ZNF503: variants seen among roughly 807,000 people sequenced by gnomAD.
The protein encoded by ZNF503 is NocA-like zinc finger 2.
A neutral mutation model predicts 34.4 loss-of-function variants in ZNF503; 15 were observed. The observed-to-expected ratio is 0.44, with a 90% confidence interval of 0.29 to 0.67. The LOEUF (loss-of-function observed/expected upper bound fraction) is 0.67. Ranked by LOEUF, ZNF503 falls within the 30% of genes least tolerant of loss-of-function variation. The pLI is 0.13. For missense variants in ZNF503, 1,007 were observed against 926.8 expected, an observed-to-expected ratio of 1.09 and a Z score of -1.12; for synonymous variants, 580 against 456.8, an observed-to-expected ratio of 1.27 and a Z score of -3.44.
At chr10:75,401,053 G>T in intron 1 of ZNF503, 52 bp downstream of exon 1, 1 of 1,611,408 alleles carries the variant, frequency 6.2e-7, no homozygotes, top group Non-Finnish European at 8.5e-7. Flanking sequence ...GAAAGCCCTA[G>T]GGTGGCAGCC....
At chr10:75,389,562 T>A in the ZNF503 span, among the ~76,000 whole-genome samples, 2 of 152,254 alleles carry the variant, frequency 1.3e-5, no homozygotes, top group Admixed American at 6.5e-5. Context: ...AAACCCCATC[T>A]CTACTAAAAA....
chr10:75,400,694 T>TC (rs907315143), intron 1 of ZNF503, among the ~76,000 whole-genome samples: 7 of 151,964 alleles, frequency 4.6e-5, no homozygotes, highest in African/African-American at 1.7e-4. Flanking sequence ...CTGTACCCCC[T>TC]CCCCACAAAC....
At chr10:75,344,156 C>T in the ZNF503 span, among the ~76,000 whole-genome samples, 1 of 152,360 alleles carries the variant, frequency 6.6e-6, no homozygotes, top group East Asian at 1.9e-4. Flanking sequence ...GGAAATCAGG[C>T]TCCTTGGGTG....
chr10:75,336,889 A>G, the ZNF503 span, among the ~76,000 whole-genome samples: 4 of 152,216 alleles, frequency 2.6e-5, no homozygotes, highest in Non-Finnish European at 4.4e-5. Flanking sequence ...GAGAATTCCC[A>G]TGCATTGAAT....
chr10:75,386,694 C>T, the ZNF503 span, among the ~76,000 whole-genome samples: 2 of 152,184 alleles, frequency 1.3e-5, no homozygotes, highest in African/African-American at 4.8e-5. Context: ...CCTCCAATGG[C>T]TCCCTATTGC....
At chr10:75,298,298 G>C in the ZNF503 span, among the ~76,000 whole-genome samples, 37,731 of 151,984 alleles carry the variant, frequency 0.25, 5,661 homozygotes, top group African/African-American at 0.42. Flanking sequence ...TATTTAATTC[G>C]AGAACATTTT....
the ZNF503 span, among the ~76,000 whole-genome samples, chr10:75,392,086 C>A: frequency 1.3e-5 from 2 of 152,170 alleles, no homozygotes; most frequent in African/African-American, 4.8e-5. Flanking sequence ...GGACAAAATC[C>A]CAGGCACAGG....
the ZNF503 span, among the ~76,000 whole-genome samples, chr10:75,330,655 C>G: frequency 0.011 from 1,720 of 152,190 alleles, 22 homozygotes; most frequent in African/African-American, 0.038. Flanking sequence ...TTGTAATAGT[C>G]TCTAATGATC....
the ZNF503 span, among the ~76,000 whole-genome samples, chr10:75,380,219 T>G: frequency 6.6e-6 from 1 of 152,174 alleles, no homozygotes; most frequent in Admixed American, 6.5e-5. Flanking sequence ...CTGAAATGAC[T>G]GTCTTCATTT....
At chr10:75,381,260 G>A in the ZNF503 span, among the ~76,000 whole-genome samples, 1 of 152,134 alleles carries the variant, frequency 6.6e-6, no homozygotes, top group Non-Finnish European at 1.5e-5. Flanking sequence ...GTCTTGCTCT[G>A]TTGTCTAGGC....
chr10:75,384,949 G>A, the ZNF503 span, among the ~76,000 whole-genome samples: 10 of 152,260 alleles, frequency 6.6e-5, no homozygotes, highest in African/African-American at 2.2e-4. Flanking sequence ...AAGGGAACTC[G>A]GACACCTTTC....
At chr10:75,287,041 G>T in the ZNF503 span, among the ~76,000 whole-genome samples, 1 of 152,134 alleles carries the variant, frequency 6.6e-6, no homozygotes, top group Admixed American at 6.5e-5. Flanking sequence ...TCTGCAGGTG[G>T]GTCAGCTGGG....
In ZNF503 at chr10:75,401,192, C is replaced by A. The variant is rs1459735443; in HGVS notation, c.228G>T (p.Val76=). ...CAGTTCGTGCCGTCAGCATCTTCAG[C>A]ACCTTGATTGGCAGGCGGTTGGCCT... ...LRQANRLPIK[V]LKMLTARTGH... is the part of the protein sequence containing the mutation. The change falls in exon 1 of 2, where the codon GTG becomes GTT. Residue 76 remains valine (V), a synonymous_variant. Transcript: ENST00000372524. 6.2e-7 allele frequency: 1 copy of A among 1,609,670 alleles called. No individual in the cohort carries two copies. Among genetic ancestry groups the A allele is most frequent in the South Asian group, 1.1e-5 (1 of 90,418 alleles).
At chr10:75,348,721 C>T in the ZNF503 span, among the ~76,000 whole-genome samples, 10 of 150,062 alleles carry the variant, frequency 6.7e-5, no homozygotes, top group Middle Eastern at 3.5e-3. Context: ...ACTGTGTTAG[C>T]CAGGATGGTC....
chr10:75,334,930 G>A, the ZNF503 span, among the ~76,000 whole-genome samples: 55,895 of 152,052 alleles, frequency 0.37, 10,473 homozygotes, highest in African/African-American at 0.42. Context: ...TCATTTCCCT[G>A]TTAACTTTTC....
chr10:75,394,145 C>T (rs996470157), downstream of ZNF503, among the ~76,000 whole-genome samples: 2 of 152,348 alleles, frequency 1.3e-5, no homozygotes, highest in Middle Eastern at 3.4e-3. Flanking sequence ...ATCTGAAAAA[C>T]GAGGTGAAGA....
chr10:75,400,229 T>A lies in ZNF503; in HGVS notation c.461A>T (p.Asp154Val). The change falls in exon 2 of 2, where the codon GAC (aspartate) becomes GTC (valine). Residue 154 changes from aspartate to valine, a missense_variant. Transcript: ENST00000372524. ...CAGGGGGCCCGATTTGGTGTCCTTGTCGCCCGCAGCACCGCCGCCGGCACC... is the reference window on the plus strand; with the variant it reads ...CAGGGGGCCCGATTTGGTGTCCTTGACGCCCGCAGCACCGCCGCCGGCACC... ...AGGAGGGAAG[D>V]KDTKSGPLKL... The A allele has an allele frequency of 6.2e-7, 1 of 1,609,578 alleles. No individual in the cohort carries two copies.
At position 75,401,380 on chromosome 10, in the gene ZNF503, T is replaced by G. The variant is rs1413795306; in HGVS notation, c.40A>C (p.Lys14Gln). Residue 14 changes from lysine (K) to glutamine (Q), a missense_variant, in exon 1 of 2, where the codon AAG becomes CAG. Lys to Gln is a moderately conservative substitution (Grantham distance 53, BLOSUM62 1). Transcript: ENST00000372524. ...CCGCCGCCGCCGCCGCCGCTGTGCT[T>G]ACTGCTTCTTAGGGCAGAAAGCGAG... ...APSLSALRSS[K>Q]HSGGGGGGGG... The G allele has an allele frequency of 6.5e-7, 1 of 1,536,344 alleles. No individual in the cohort carries two copies. The highest frequency in any genetic ancestry group is 8.7e-7 in the Non-Finnish European group (1 of 1,144,256).
At position 75,401,446 on chromosome 10, in the gene ZNF503, G is replaced by T. The variant is rs930148692; in HGVS notation, c.-27C>A. ...ACCCACCCGCGCGCATGGGAGCAGC[G>T]GGGGGGAGGGCTCCGGGAGGCGCGG... On this transcript the variant is annotated 5_prime_UTR_variant, in exon 1 of 2. Coordinates refer to ENST00000372524, the MANE Select transcript of ZNF503 (RefSeq NM_032772.6). 7.9e-6 allele frequency: 12 copies of T among 1,519,606 alleles called. No homozygotes were observed. Among genetic ancestry groups the T allele is most frequent in the South Asian group, 1.2e-5 (1 of 82,172 alleles). 94.1% of individuals were successfully genotyped at this position (1,519,606 alleles called of 1,614,324 possible). A position where few individuals can be genotyped will look rare whatever the true frequency, so the allele number is the denominator to read the frequency against.
Sources: allele counts gnomAD v4.1 joint callset (sites outside exome capture counted in the v4.1 genomes callset), GRCh38; gene constraint gnomAD v4.1.1; transcripts MANE v1.5; gene names NCBI Gene and HGNC (gene_info 2026-07-23, HGNC 2026-07-21).